Variants in MC2R observed in about 807,000 individuals in gnomAD.
MC2R encodes the protein melanocortin 2 receptor, also known as adrenocorticotropic hormone receptor.
A neutral mutation model predicts 9.8 loss-of-function variants in MC2R; 9 were observed. The ratio of observed to expected loss-of-function variants is 0.92; its 90% CI spans 0.55 to 1.60. MC2R has a LOEUF of 1.60. Among genes scored for constraint, MC2R ranks in the 40% most tolerant of loss-of-function variants. The pLI is 0.00. For missense variants in MC2R, 370 were observed against 389.0 expected (o/e 0.95, Z 0.41); for synonymous variants, 185 against 154.7 (o/e 1.20, Z -1.45).
At chr18:13,899,033 A>G (rs1041312215) in intron 1 of MC2R, among the ~76,000 whole-genome samples, 4 of 152,232 alleles carry the variant, frequency 2.6e-5, no homozygotes, top group African/African-American at 9.6e-5. Flanking sequence ...TAAGGCACCA[A>G]TTCTGGAGAA....
chr18:13,899,220 T>G (rs2045364428), intron 1 of MC2R, among the ~76,000 whole-genome samples: 1 of 152,164 alleles, frequency 6.6e-6, no homozygotes, highest in South Asian at 2.1e-4. Flanking sequence ...AGTGGCATAC[T>G]GATGAAGGCG....
At chr18:13,897,233 C>T (rs1191319226) in intron 1 of MC2R, among the ~76,000 whole-genome samples, 1 of 152,144 alleles carries the variant, frequency 6.6e-6, no homozygotes, top group Non-Finnish European at 1.5e-5. Context: ...AATTGTGAAA[C>T]ATTGAACTCA....
chr18:13,894,261 C>T (rs948333), intron 1 of MC2R, among the ~76,000 whole-genome samples: 79,720 of 151,878 alleles, frequency 0.52, 22,166 homozygotes, highest in African/African-American at 0.72. Context: ...TTTTCTATTT[C>T]TTCCCACAAC....
chr18:13,885,156 C>G lies in MC2R; in HGVS notation c.363G>C (p.Leu121=). The change falls in exon 2 of 2, where the codon CTG becomes CTC. Residue 121 remains leucine, a synonymous_variant. Transcript: ENST00000327606. The stretch of plus-strand genomic sequence containing the variant: ...TGTAGCGGTCCGCAGCAATCACAGA[C>G]AGGCTGAAGATGGAGCCAAGCAGGG... ...VLSLLGSIFS[L]SVIAADRYIT... The G allele has an allele frequency of 1.2e-6, 2 of 1,614,188 alleles. No individual in the cohort carries two copies.
intron 1 of MC2R, among the ~76,000 whole-genome samples, chr18:13,887,425 A>G (rs112522570): frequency 9.4e-4 from 124 of 132,180 alleles, no homozygotes; most frequent in African/African-American, 3.6e-3. Context: ...GGGAAGCCTC[A>G]GGGATGGGAG....
intron 1 of MC2R, among the ~76,000 whole-genome samples, chr18:13,891,364 G>A (rs915611649): frequency 1.3e-5 from 2 of 152,156 alleles, no homozygotes; most frequent in Non-Finnish European, 2.9e-5. Context: ...ATATTTTGCT[G>A]TGTAAATAAT....
intron 1 of MC2R, among the ~76,000 whole-genome samples, chr18:13,896,714 G>T (rs2045348024): frequency 6.6e-6 from 1 of 152,108 alleles, no homozygotes. Context: ...CTGCCTTTAA[G>T]ACCTAAAAAC....
chr18:13,889,502 G>A (rs554486383), intron 1 of MC2R, among the ~76,000 whole-genome samples: 77 of 152,278 alleles, frequency 5.1e-4, no homozygotes, highest in African/African-American at 1.5e-3. Context: ...AAGCAAAACC[G>A]ACTTTTGTTT....
intron 1 of MC2R, among the ~76,000 whole-genome samples, chr18:13,888,163 G>T (rs2045289243): frequency 6.6e-6 from 1 of 151,888 alleles, no homozygotes; most frequent in South Asian, 2.1e-4. Flanking sequence ...TTAGAAACAG[G>T]TGGTTTGGGA....
chr18:13,896,607 T>G, intron 1 of MC2R, among the ~76,000 whole-genome samples: 1 of 152,210 alleles, frequency 6.6e-6, no homozygotes, highest in South Asian at 2.1e-4. Flanking sequence ...AAAATCCAGG[T>G]AGCAATTTTT....
Position 13,885,142 on chromosome 18 carries a change from G to A in MC2R, c.377C>T (p.Ala126Val), listed in dbSNP as rs368669544. 7.1e-5 allele frequency: 115 copies of A among 1,614,034 alleles called. 2 individuals carry two copies. The highest frequency in any genetic ancestry group is 4.0e-4 in the East Asian group (18 of 44,886). Residue 126 changes from alanine (A) to valine (V), a missense_variant, in exon 2 of 2, where the codon GCG becomes GTG. Ala to Val is a moderately conservative substitution (Grantham distance 64). Transcript: ENST00000327606. ...GTGGAAGATGGTGATGTAGCGGTCC[G>A]CAGCAATCACAGACAGGCTGAAGAT... ...GSIFSLSVIA[A>V]DRYITIFHAL...
rs747405153 is a variant in MC2R at position 13,885,552 on chromosome 18, T to C, written c.-34A>G. ...CTTGTGGTTAAGGCGGGGATGTTAC[T>C]TGGACTTGACTTCACGGAAAACTTG... On this transcript the variant is annotated 5_prime_UTR_variant, in exon 2 of 2. Coordinates refer to ENST00000327606, the MANE Select transcript of MC2R (RefSeq NM_000529.2). 13 of 1,612,646 alleles carry C rather than the reference T, an allele frequency of 8.1e-6. No individual in the cohort carries two copies. The highest frequency in any genetic ancestry group is 6.7e-5 in the East Asian group (3 of 44,892).
At chr18:13,913,868 C>T (rs111856562) in intron 1 of MC2R, among the ~76,000 whole-genome samples, 11 of 152,272 alleles carry the variant, frequency 7.2e-5, no homozygotes, top group African/African-American at 2.4e-4. Context: ...ATCTGAGTTC[C>T]TTAGGATAAG....
chr18:13,888,993 C>T (rs1355108577), intron 1 of MC2R, among the ~76,000 whole-genome samples: 2 of 152,172 alleles, frequency 1.3e-5, no homozygotes, highest in African/African-American at 4.8e-5. Flanking sequence ...CAACACAGGT[C>T]TAGAGCCCTT....
chr18:13,905,885 G>A (rs768877301), intron 1 of MC2R, among the ~76,000 whole-genome samples: 5 of 151,994 alleles, frequency 3.3e-5, no homozygotes, highest in East Asian at 1.9e-4. Flanking sequence ...GTGAAACCCC[G>A]TCTCTACTAA....
In MC2R at chr18:13,885,572, A is replaced by G. The variant is rs2045271480; in HGVS notation, c.-54T>C. On this transcript the variant is annotated 5_prime_UTR_variant, in exon 2 of 2. Coordinates refer to ENST00000327606, the MANE Select transcript of MC2R (RefSeq NM_000529.2). ...GTTACTTGGACTTGACTTCACGGAA[A>G]ACTTGATTGATTCTTCAGGATCTTT... 2.0e-5 allele frequency: 31 copies of G among 1,587,846 alleles called. No individual in the cohort carries two copies. Among genetic ancestry groups the G allele is most frequent in the Non-Finnish European group, 2.5e-5 (29 of 1,157,754 alleles).
At position 13,885,642 on chromosome 18, in the gene MC2R, A is replaced by G; in HGVS notation, c.-124T>C. ...TGGAGATCTAAGTTAAAATCTCCCAATCACCTAAAAGGGAGTATACAGAAA... is the reference window on the plus strand; with the variant it reads ...TGGAGATCTAAGTTAAAATCTCCCAGTCACCTAAAAGGGAGTATACAGAAA... On this transcript the variant is annotated 5_prime_UTR_variant, in exon 2 of 2. Transcript: ENST00000327606. 4 of 1,096,840 alleles carry G rather than the reference A, an allele frequency of 3.6e-6. No homozygotes were observed. The highest frequency in any genetic ancestry group is 4.1e-6 in the Non-Finnish European group (3 of 736,086). The allele number at this position is 1,096,840 out of a possible 1,614,324, so 67.9% of individuals were successfully genotyped here.
At chr18:13,899,523 A>G (rs1230646958) in intron 1 of MC2R, among the ~76,000 whole-genome samples, 1 of 152,210 alleles carries the variant, frequency 6.6e-6, no homozygotes, top group African/African-American at 2.4e-5. Context: ...GTTATAGAAC[A>G]TCAAGCATAT....
At position 13,884,590 on chromosome 18, in the gene MC2R, A is replaced by G; in HGVS notation, c.*35T>C. The G allele has an allele frequency of 6.2e-7, 1 of 1,605,960 alleles. No homozygotes were observed. Among genetic ancestry groups the G allele is most frequent in the Non-Finnish European group, 8.5e-7 (1 of 1,177,626 alleles). ...CACTATTCTGGCACTTGGCAACGTT[A>G]TTCCCATGGATTCTAAAACCAGGGA... On this transcript the variant is annotated 3_prime_UTR_variant, in exon 2 of 2. Coordinates refer to ENST00000327606, the MANE Select transcript of MC2R (RefSeq NM_000529.2).
Sources: allele counts gnomAD v4.1 joint callset (sites outside exome capture counted in the v4.1 genomes callset), GRCh38; gene constraint gnomAD v4.1.1; transcripts MANE v1.5; gene names NCBI Gene and HGNC (gene_info 2026-07-23, HGNC 2026-07-21).